Variants in COL8A1 observed in about 807,000 individuals in gnomAD.
COL8A1 encodes collagen type VIII alpha 1 chain, also known as collagen alpha-1(VIII) chain.
COL8A1 carries 21 observed loss-of-function variants against 42.7 expected under a neutral mutation model. That is an observed-to-expected ratio of 0.49 (90% CI 0.35 to 0.71). COL8A1 has a LOEUF of 0.71. Ranked by LOEUF, COL8A1 falls within the 30% of genes least tolerant of loss-of-function variation. The pLI is 0.01. For missense variants in COL8A1, 788 were observed against 962.4 expected, an observed-to-expected ratio of 0.82 and a Z score of 2.40; for synonymous variants, 367 against 369.1, an observed-to-expected ratio of 0.99 and a Z score of 0.06.
At chr3:99,660,700 G>T (rs986519572) in intron 1 of COL8A1, among the ~76,000 whole-genome samples, 1 of 152,162 alleles carries the variant, frequency 6.6e-6, no homozygotes, top group Non-Finnish European at 1.5e-5. Flanking sequence ...ATCACCTGAG[G>T]TATAAGAACT....
At chr3:99,771,609 C>T (rs145304836) in intron 2 of COL8A1, among the ~76,000 whole-genome samples, 4 of 152,258 alleles carry the variant, frequency 2.6e-5, no homozygotes, top group South Asian at 2.1e-4. Context: ...CATGGTTGAG[C>T]GGGAGCCTTT....
chr3:99,691,100 G>T (rs1216993260), intron 1 of COL8A1, among the ~76,000 whole-genome samples: 1 of 152,144 alleles, frequency 6.6e-6, no homozygotes, highest in African/African-American at 2.4e-5. Context: ...GCTTGAGCAT[G>T]CACGAATTTC....
chr3:99,779,279 T>C (rs1439954890), intron 2 of COL8A1, among the ~76,000 whole-genome samples: 1 of 152,136 alleles, frequency 6.6e-6, no homozygotes, highest in African/African-American at 2.4e-5. Context: ...AAACAATAAA[T>C]AAATGTTTGT....
chr3:99,744,755 T>C (rs1940986553), intron 1 of COL8A1, 142 bp from the exon 2 acceptor site: 1 of 152,212 alleles, frequency 6.6e-6, no homozygotes, highest in South Asian at 2.1e-4. Context: ...AAACTACATA[T>C]AGTATAGCAG....
chr3:99,782,212 C>T (rs1941805711), intron 2 of COL8A1, among the ~76,000 whole-genome samples: 1 of 152,042 alleles, frequency 6.6e-6, no homozygotes, highest in South Asian at 2.1e-4. Flanking sequence ...ACAAGTATAG[C>T]TTATTTGACC....
intron 1 of COL8A1, chr3:99,707,096 A>G (rs1939700591): frequency 6.6e-6 from 1 of 152,248 alleles, no homozygotes; most frequent in African/African-American, 2.4e-5. Context: ...GAAATGCAGT[A>G]TGGTGAAGAG....
chr3:99,726,510 G>A (rs1559619100), intron 1 of COL8A1, among the ~76,000 whole-genome samples: 1 of 151,600 alleles, frequency 6.6e-6, no homozygotes, highest in Non-Finnish European at 1.5e-5. Flanking sequence ...GAATGGTATT[G>A]CCTAGGTTTT....
intron 1 of COL8A1, among the ~76,000 whole-genome samples, chr3:99,737,778 G>T (rs1338633683): frequency 6.6e-6 from 1 of 152,026 alleles, no homozygotes; most frequent in African/African-American, 2.4e-5. Flanking sequence ...GGCCTGCCTT[G>T]CTAGGTTGGG....
chr3:99,781,825 A>G (rs1358403886), intron 2 of COL8A1, among the ~76,000 whole-genome samples: 1 of 152,208 alleles, frequency 6.6e-6, no homozygotes, highest in African/African-American at 2.4e-5. Flanking sequence ...ATTCTTGCAG[A>G]GCCCTACCAA....
intron 1 of COL8A1, among the ~76,000 whole-genome samples, chr3:99,716,644 T>C (rs1010943559): frequency 5.9e-5 from 9 of 151,658 alleles, no homozygotes; most frequent in Admixed American, 1.3e-4. Context: ...TGACTCATGA[T>C]CCCCCTCCTC....
chr3:99,681,038 A>G lies in COL8A1; in HGVS notation c.-129+42374A>G, dbSNP rs191099806. Among the ~76,000 whole-genome samples the G allele has an allele frequency of 3.1e-3, 474 of 152,358 alleles. 2 individuals are homozygous for G. Among genetic ancestry groups the G allele is most frequent in the Non-Finnish European group, 5.8e-3 (392 of 68,026 alleles). On this transcript the variant is annotated intron_variant, in intron 1 of 3. Coordinates refer to ENST00000652472, the MANE Select transcript of COL8A1 (RefSeq NM_020351.4). ...TTAGACCTAAAACCCTAAAAACCCT[A>G]GAAGAAAACCTAGGCAATACTATTC...
intron 1 of COL8A1, among the ~76,000 whole-genome samples, chr3:99,706,240 G>A (rs528480936): frequency 3.5e-4 from 53 of 152,340 alleles, no homozygotes; most frequent in African/African-American, 1.3e-3. Flanking sequence ...TAGTGATAGT[G>A]TGAACTTTTG....
At chr3:99,660,018 A>C (rs1170440644) in intron 1 of COL8A1, among the ~76,000 whole-genome samples, 4 of 152,248 alleles carry the variant, frequency 2.6e-5, no homozygotes, top group African/African-American at 9.6e-5. Context: ...AGAGCCAATA[A>C]ACTAGAAAAA....
chr3:99,652,159 A>G (rs1937866844), intron 1 of COL8A1, among the ~76,000 whole-genome samples: 1 of 152,380 alleles, frequency 6.6e-6, no homozygotes, highest in African/African-American at 2.4e-5. Context: ...CAGTGGCTAA[A>G]GGAAGAATCC....
intron 1 of COL8A1, among the ~76,000 whole-genome samples, chr3:99,727,209 CTGTT>C (rs1378029087): frequency 3.9e-5 from 6 of 152,132 alleles, no homozygotes; most frequent in East Asian, 1.9e-4. Flanking sequence ...ATTTGGCTCT[CTGTT>C]TGTCTGTTAT....
At chr3:99,657,045 G>T (rs1938044678) in intron 1 of COL8A1, among the ~76,000 whole-genome samples, 1 of 152,126 alleles carries the variant, frequency 6.6e-6, no homozygotes, top group Non-Finnish European at 1.5e-5. Flanking sequence ...ACCTTAAGAT[G>T]GTTTCTCAGC....
rs140472359 is a variant in COL8A1 at position 99,789,846 on chromosome 3, T to G, written c.-3-834T>G. 2.6e-3 allele frequency among the ~76,000 whole-genome samples: 395 copies of G among 152,302 alleles called. 1 individual carries two copies. The highest frequency in any genetic ancestry group is 8.6e-3 in the African/African-American group (358 of 41,570). ...TGGTCCAATTAACCAATTTCTAAAC[T>G]AATGAATTCATAGTATTTTAATACA... On this transcript the variant is annotated intron_variant, in intron 2 of 3. Transcript: ENST00000652472.
At chr3:99,762,950 G>A (rs1039065735) in intron 2 of COL8A1, among the ~76,000 whole-genome samples, 8 of 152,270 alleles carry the variant, frequency 5.3e-5, no homozygotes, top group Admixed American at 2.6e-4. Context: ...TAATGAATAA[G>A]TGGGAATCAA....
chr3:99,649,284 A>G (rs1937759974), intron 1 of COL8A1, among the ~76,000 whole-genome samples: 1 of 152,098 alleles, frequency 6.6e-6, no homozygotes, highest in African/African-American at 2.4e-5. Flanking sequence ...ATCCACCTCC[A>G]TAAAGACTGT....
Sources: allele counts gnomAD v4.1 joint callset (sites outside exome capture counted in the v4.1 genomes callset), GRCh38; gene constraint gnomAD v4.1.1; transcripts MANE v1.5; gene names NCBI Gene and HGNC (gene_info 2026-07-23, HGNC 2026-07-21).